Variants in CCSER1 observed in about 807,000 individuals in gnomAD.
The protein encoded by CCSER1 is serine-rich coiled-coil domain-containing protein 1.
In CCSER1, 41 loss-of-function variants were observed where a neutral mutation model predicts 82.0. The ratio of observed to expected loss-of-function variants is 0.50; its 90% CI spans 0.39 to 0.65. CCSER1 has a LOEUF of 0.65. Ranked by LOEUF, CCSER1 falls within the 30% of genes least tolerant of loss-of-function variation. CCSER1 has a pLI of 0.00. For missense variants in CCSER1, 1,119 were observed against 1,064.2 expected, an observed-to-expected ratio of 1.05 and a Z score of -0.72; for synonymous variants, 414 against 383.9, an observed-to-expected ratio of 1.08 and a Z score of -0.92.
At chr4:90,758,792 T>C (rs1749964137) in intron 7 of CCSER1, among the ~76,000 whole-genome samples, 1 of 152,204 alleles carries the variant, frequency 6.6e-6, no homozygotes, top group Non-Finnish European at 1.5e-5. Context: ...TATTAAAATA[T>C]AGTATGTTGA....
chr4:90,157,790 A>G (rs972671221), intron 1 of CCSER1, among the ~76,000 whole-genome samples: 1 of 152,170 alleles, frequency 6.6e-6, no homozygotes, highest in Middle Eastern at 3.4e-3. Context: ...TTTTTTTCGA[A>G]GTTTTTAACT....
At chr4:91,456,179 A>G (rs1223968790) in intron 10 of CCSER1, among the ~76,000 whole-genome samples, 1 of 152,008 alleles carries the variant, frequency 6.6e-6, no homozygotes, top group Non-Finnish European at 1.5e-5. Flanking sequence ...TGCTGACCTC[A>G]TCTTGTGTCC....
intron 10 of CCSER1, among the ~76,000 whole-genome samples, chr4:91,132,144 T>G (rs952486368): frequency 3.3e-5 from 5 of 152,090 alleles, no homozygotes; most frequent in African/African-American, 1.2e-4. Flanking sequence ...AAAGAATATA[T>G]TCATCATTTT....
chr4:90,303,031 G>A (rs1248639634), intron 1 of CCSER1, among the ~76,000 whole-genome samples: 1 of 151,888 alleles, frequency 6.6e-6, no homozygotes, highest in East Asian at 1.9e-4. Context: ...AACTCTCAAG[G>A]GAAATACAAG....
At chr4:91,351,711 AT>A (rs1748482937) in intron 10 of CCSER1, among the ~76,000 whole-genome samples, 1 of 152,196 alleles carries the variant, frequency 6.6e-6, no homozygotes. Context: ...AGAGAGAATA[AT>A]AATAGGCAGA....
chr4:90,361,071 C>G (rs1745291472), intron 3 of CCSER1, among the ~76,000 whole-genome samples: 1 of 152,134 alleles, frequency 6.6e-6, no homozygotes, highest in African/African-American at 2.4e-5. Context: ...TCTAAACATA[C>G]TTTGAGTCTA....
At chr4:91,551,196 AC>A (rs1431660672) in intron 10 of CCSER1, among the ~76,000 whole-genome samples, 1 of 152,098 alleles carries the variant, frequency 6.6e-6, no homozygotes, top group Non-Finnish European at 1.5e-5. Context: ...CTCTTCAAAT[AC>A]CTTTATATAT....
intron 1 of CCSER1, among the ~76,000 whole-genome samples, chr4:90,294,242 T>G (rs1731447183): frequency 6.6e-6 from 1 of 152,032 alleles, no homozygotes; most frequent in Admixed American, 6.6e-5. Flanking sequence ...CCGGGCGCAG[T>G]GGCTCATGCC....
chr4:90,422,325 A>T (rs1756820121), intron 4 of CCSER1, among the ~76,000 whole-genome samples: 1 of 152,186 alleles, frequency 6.6e-6, no homozygotes, highest in Non-Finnish European at 1.5e-5. Context: ...AGCCCATAGA[A>T]CCAGACACAT....
In CCSER1 at chr4:90,438,424, AT is replaced by A. The variant is rs1426473786; in HGVS notation, c.1604-29809del. On this transcript the variant is annotated intron_variant, in intron 4 of 10. Coordinates refer to ENST00000509176, the MANE Select transcript of CCSER1 (RefSeq NM_001145065.2). ...TTCACTTGTGTTCTTATGCTGCCAA[AT>A]ATTGGTGAATTTCTGTATACTATAA... 5.3e-5 allele frequency among the ~76,000 whole-genome samples: 8 copies of A among 152,282 alleles called. No homozygotes were observed. In the East Asian group the frequency reaches 1.2e-3, roughly 22 times the overall value.
chr4:91,157,991 A>G (rs1362918912), intron 10 of CCSER1, among the ~76,000 whole-genome samples: 2 of 152,000 alleles, frequency 1.3e-5, no homozygotes, highest in African/African-American at 4.8e-5. Context: ...AAAGCAGTAT[A>G]TTCTACTTCT....
At chr4:90,344,593 A>C (rs1579296957) in intron 3 of CCSER1, among the ~76,000 whole-genome samples, 2 of 152,116 alleles carry the variant, frequency 1.3e-5, no homozygotes, top group South Asian at 4.1e-4. Context: ...TAAAGTTGAA[A>C]ATTTATAAGT....
chr4:91,167,207 G>A (rs1474119255), intron 10 of CCSER1, among the ~76,000 whole-genome samples: 10 of 74,404 alleles, frequency 1.3e-4, no homozygotes, highest in African/African-American at 3.9e-4. Flanking sequence ...TTTTTTTTGA[G>A]ACGGCTTCTC....
intron 10 of CCSER1, among the ~76,000 whole-genome samples, chr4:91,245,484 T>TG (rs368740323): frequency 9.3e-5 from 14 of 150,858 alleles, no homozygotes; most frequent in African/African-American, 3.4e-4. Flanking sequence ...CAGGAGAGAG[T>TG]GATATGACAT....
At chr4:90,828,980 C>T (rs576275692) in intron 8 of CCSER1, among the ~76,000 whole-genome samples, 1 of 151,950 alleles carries the variant, frequency 6.6e-6, no homozygotes, top group Non-Finnish European at 1.5e-5. Context: ...AGATGCCAAA[C>T]AAGCATGTGG....
chr4:90,184,581 A>G (rs1381841380), intron 1 of CCSER1, among the ~76,000 whole-genome samples: 4 of 152,118 alleles, frequency 2.6e-5, no homozygotes, highest in African/African-American at 7.2e-5. Flanking sequence ...TAATCGAATA[A>G]AAATGAGAGC....
At chr4:90,590,580 CAA>C (rs879394237) in intron 5 of CCSER1, among the ~76,000 whole-genome samples, 3 of 136,472 alleles carry the variant, frequency 2.2e-5, no homozygotes, top group Non-Finnish European at 1.6e-5. Context: ...AACTTGGTCT[CAA>C]AAAAAAAAAA....
chr4:90,584,848 C>CT (rs1560762540), intron 5 of CCSER1, among the ~76,000 whole-genome samples: 1 of 151,824 alleles, frequency 6.6e-6, no homozygotes, highest in African/African-American at 2.4e-5. Context: ...TTGACAAAAT[C>CT]TTTTTTTTAA....
rs191381765 is a variant in CCSER1 at position 90,781,893 on chromosome 4, T to C, written c.2011-33869T>C. 286 of 926,066 alleles carry C rather than the reference T, an allele frequency of 3.1e-4. 2 individuals are homozygous for C. The African/African-American group carries it at 4.8e-3, about 15-fold the overall frequency. 57.4% of individuals were successfully genotyped at this position (926,066 alleles called of 1,614,324 possible). On this transcript the variant is annotated intron_variant, in intron 7 of 10. Transcript: ENST00000509176. The stretch of plus-strand genomic sequence containing the variant: ...AAAGACAGTAATAATGATTGTGATG[T>C]ACCTTACAAAAAAAGATAAAATCGT...
Sources: gnomAD v4.1 joint callset for allele counts (sites outside exome capture counted in the v4.1 genomes callset) on GRCh38, gnomAD v4.1.1 for gene constraint, MANE v1.5 for transcripts, NCBI Gene and HGNC (gene_info 2026-07-23, HGNC 2026-07-21) for gene names.